SKI: variants seen among roughly 807,000 people sequenced by gnomAD.
SKI encodes SKI proto-oncogene, also known as ski oncogene.
A neutral mutation model predicts 59.3 loss-of-function variants in SKI; 23 were observed. The observed-to-expected ratio is 0.39, with a 90% CI of 0.28 to 0.55. SKI has a LOEUF of 0.55. Among genes scored for constraint, SKI ranks in the 20% least tolerant of loss-of-function variants. The pLI is 0.67. For missense variants in SKI, 1,017 were observed against 1,038.9 expected (o/e 0.98, Z 0.29); for synonymous variants, 673 against 488.6 (o/e 1.38, Z -4.98).
chr1:2,255,318 G>A (rs1053829832), intron 1 of SKI, among the ~76,000 whole-genome samples: 9 of 152,222 alleles, frequency 5.9e-5, no homozygotes, highest in Non-Finnish European at 1.3e-4. Flanking sequence ...ACAGCCCCAC[G>A]TGCTGACACC....
intron 1 of SKI, among the ~76,000 whole-genome samples, chr1:2,289,357 CCT>C (rs1001111461): frequency 3.9e-5 from 6 of 152,224 alleles, no homozygotes; most frequent in South Asian, 4.2e-4. Context: ...TTACAGGCCA[CCT>C]CTCCTGCCAG....
Position 2,307,415 on chromosome 1 carries a change from C to G in SKI, c.*650C>G, listed in dbSNP as rs1640622099. ...GCCGCCGTCGATGCCAGCGCTGTCCCCACGGGTACCAGGAAGTGCAGAGCC... is the reference window on the plus strand; with the variant it reads ...GCCGCCGTCGATGCCAGCGCTGTCCGCACGGGTACCAGGAAGTGCAGAGCC... On this transcript the variant is annotated 3_prime_UTR_variant, in exon 7 of 7. Transcript: ENST00000378536. The G allele has an allele frequency of 6.6e-6, 1 of 152,518 alleles. No homozygotes were observed. Among genetic ancestry groups the G allele is most frequent in the African/African-American group, 2.4e-5 (1 of 41,464 alleles). The allele number at this position is 152,518 out of a possible 1,614,324, so 9.4% of individuals were successfully genotyped here. A position where few individuals can be genotyped will look rare whatever the true frequency, so the allele number is the denominator to read the frequency against.
chr1:2,306,871 C>A lies in SKI; in HGVS notation c.*106C>A. On this transcript the variant is annotated 3_prime_UTR_variant, in exon 7 of 7. Transcript: ENST00000378536. ...CGCCCCTGCAGCCCACACAGCACAA[C>A]GTCTTACCGTGCCTATTACCAAGCG... 1 of 741,686 alleles carries A rather than the reference C, an allele frequency of 1.3e-6. No homozygotes were observed. Among genetic ancestry groups the A allele is most frequent in the Admixed American group, 4.8e-5 (1 of 20,946 alleles). 45.9% of individuals were successfully genotyped at this position (741,686 alleles called of 1,614,324 possible). A position where few individuals can be genotyped will look rare whatever the true frequency, so the allele number is the denominator to read the frequency against.
chr1:2,304,374 G>C lies in SKI; in HGVS notation c.1556G>C (p.Arg519Pro), dbSNP rs376322470. The change falls in exon 5 of 7, where the codon CGT becomes CCT. Residue 519 changes from arginine to proline, a missense_variant. Arg to Pro is a moderately radical substitution (Grantham distance 103, BLOSUM62 -2). Coordinates refer to ENST00000378536, the MANE Select transcript of SKI (RefSeq NM_003036.4). Reference protein sequence around the residue: ...SAKDLGSPGARALPSAVPDAA... With the variant: ...SAKDLGSPGAPALPSAVPDAA... ...AAGGACCTGGGCTCCCCGGGTGCGC[G>C]TGCCCTGCCCTCGGCCGTCCCTGAT... is the stretch of plus-strand genomic sequence containing the variant. 2 of 1,551,764 alleles carry C rather than the reference G, an allele frequency of 1.3e-6. No individual in the cohort carries two copies. Among genetic ancestry groups the C allele is most frequent in the South Asian group, 1.2e-5 (1 of 84,142 alleles).
At chr1:2,255,573 G>A (rs541504922) in intron 1 of SKI, among the ~76,000 whole-genome samples, 1 of 150,102 alleles carries the variant, frequency 6.7e-6, no homozygotes, top group African/African-American at 2.5e-5. Context: ...TTTTCTGTCT[G>A]TGCCACCCTT....
intron 1 of SKI, among the ~76,000 whole-genome samples, chr1:2,285,371 T>C (rs1208740458): frequency 1.3e-5 from 2 of 151,770 alleles, no homozygotes; most frequent in Non-Finnish European, 2.9e-5. Flanking sequence ...AAAAATTAGC[T>C]GAGCGTGGTG....
intron 1 of SKI, among the ~76,000 whole-genome samples, chr1:2,272,657 C>T (rs1639651104): frequency 1.3e-5 from 2 of 152,222 alleles, no homozygotes; most frequent in South Asian, 4.1e-4. Context: ...TTAAATACAA[C>T]CATGTATTTT....
chr1:2,280,291 G>A (rs113458259), intron 1 of SKI, among the ~76,000 whole-genome samples: 1,719 of 151,770 alleles, frequency 0.011, 32 homozygotes, highest in African/African-American at 0.038. Context: ...CAGGAGAATC[G>A]CTTGACCCCG....
At chr1:2,237,296 A>G (rs1638768850) in intron 1 of SKI, among the ~76,000 whole-genome samples, 2 of 152,114 alleles carry the variant, frequency 1.3e-5, no homozygotes, top group South Asian at 4.2e-4. Context: ...CTCTCTGTCC[A>G]CGCCCTGTGT....
Position 2,309,020 on chromosome 1 carries a change from A to T in SKI, c.*2255A>T, listed in dbSNP as rs1640673806. On this transcript the variant is annotated 3_prime_UTR_variant, in exon 7 of 7. Coordinates refer to ENST00000378536, the MANE Select transcript of SKI (RefSeq NM_003036.4). ...CTGCCAGGCCCGTGCGGTCAGTGGG[A>T]CCCGGACGTGGGCAGGCGAGCTCGG... is the stretch of plus-strand genomic sequence containing the variant. The T allele has an allele frequency of 1.3e-5, 2 of 152,292 alleles. No homozygotes were observed. The highest frequency in any genetic ancestry group is 4.1e-4 in the South Asian group (2 of 4,822). The allele number at this position is 152,292 out of a possible 1,614,324, so 9.4% of individuals were successfully genotyped here. A position where few individuals can be genotyped will look rare whatever the true frequency, so the allele number is the denominator to read the frequency against.
At chr1:2,230,039 A>G (rs942592346) in intron 1 of SKI, among the ~76,000 whole-genome samples, 13 of 152,224 alleles carry the variant, frequency 8.5e-5, no homozygotes, top group African/African-American at 3.1e-4. Context: ...CCAGATAGGA[A>G]GGCACAGGCC....
intron 1 of SKI, among the ~76,000 whole-genome samples, chr1:2,274,792 G>A (rs1021266505): frequency 1.2e-4 from 18 of 152,222 alleles, no homozygotes; most frequent in African/African-American, 4.3e-4. Flanking sequence ...CCACTTTCTG[G>A]GTGGGAGTGA....
chr1:2,247,247 G>A (rs552400242), intron 1 of SKI, among the ~76,000 whole-genome samples: 1 of 152,164 alleles, frequency 6.6e-6, no homozygotes, highest in Non-Finnish European at 1.5e-5. Flanking sequence ...AAAGGGAGCC[G>A]TGGGCATGTG....
rs76521301 is a variant in SKI, at chr1:2,294,594, C to T, written c.970-8384C>T. 3.5e-3 allele frequency among the ~76,000 whole-genome samples: 530 copies of T among 152,378 alleles called. 2 individuals are homozygous for T. The highest frequency in any genetic ancestry group is 0.012 in the African/African-American group (513 of 41,590). ...CCACCTTGTCACGTCCTCCACTGAA[C>T]GTGGGTCCACGTAGATGCCAGCCCC... On this transcript the variant is annotated intron_variant, in intron 1 of 6. Transcript: ENST00000378536.
chr1:2,287,498 A>G (rs58212916), intron 1 of SKI, among the ~76,000 whole-genome samples: 15,579 of 151,694 alleles, frequency 0.1, 865 homozygotes, highest in South Asian at 0.16. Context: ...CACCACGCCC[A>G]GCTAATTTTT....
intron 1 of SKI, among the ~76,000 whole-genome samples, chr1:2,274,664 A>G (rs1299470767): frequency 6.6e-6 from 1 of 152,184 alleles, no homozygotes; most frequent in Non-Finnish European, 1.5e-5. Context: ...GCGGGCAGAT[A>G]CTGCCCCCTG....
chr1:2,231,267 C>T (rs956698183), intron 1 of SKI, among the ~76,000 whole-genome samples: 1 of 152,134 alleles, frequency 6.6e-6, no homozygotes, highest in African/African-American at 2.4e-5. Flanking sequence ...AGTGGGTCAC[C>T]TGTGGCCAAG....
At chr1:2,276,238 A>G (rs1417675149) in intron 1 of SKI, among the ~76,000 whole-genome samples, 1 of 135,642 alleles carries the variant, frequency 7.4e-6, no homozygotes, top group Non-Finnish European at 1.5e-5. Context: ...ACCTGCCTTT[A>G]TCTGTACTTG....
intron 1 of SKI, among the ~76,000 whole-genome samples, chr1:2,231,978 T>G (rs1638649093): frequency 6.6e-6 from 1 of 152,194 alleles, no homozygotes; most frequent in African/African-American, 2.4e-5. Flanking sequence ...GCCGTGTGCG[T>G]GTCTCTGTGT....
Sources: allele counts gnomAD v4.1 joint callset (sites outside exome capture counted in the v4.1 genomes callset), GRCh38; gene constraint gnomAD v4.1.1; transcripts MANE v1.5; gene names NCBI Gene and HGNC (gene_info 2026-07-23, HGNC 2026-07-21).